TANC1: variants seen among roughly 807,000 people sequenced by gnomAD.
TANC1 encodes protein TANC1.
Under a neutral mutation model 149.7 loss-of-function variants are expected in TANC1, and 77 were observed. The ratio of observed to expected loss-of-function variants is 0.51; its 90% CI spans 0.43 to 0.62. TANC1 has a LOEUF of 0.62. Ranked by LOEUF, TANC1 falls within the 20% of genes least tolerant of loss-of-function variation. TANC1 has a pLI of 0.00. For synonymous variants in TANC1, 854 were observed against 925.0 expected (o/e 0.92, Z 1.39); for missense variants, 1,985 against 2,321.8 (o/e 0.85, Z 2.98).
chr2:159,142,692 A>G (rs2150252065), intron 5 of TANC1, among the ~76,000 whole-genome samples: 1 of 152,000 alleles, frequency 6.6e-6, no homozygotes, highest in Non-Finnish European at 1.5e-5. Flanking sequence ...ATGACTGACA[A>G]CCCATGGTTA....
At chr2:159,037,375 A>G (rs1469026457) in intron 2 of TANC1, among the ~76,000 whole-genome samples, 1 of 151,894 alleles carries the variant, frequency 6.6e-6, no homozygotes, top group Non-Finnish European at 1.5e-5. Flanking sequence ...ATTAGATCCC[A>G]TTTGTCAATT....
chr2:159,182,203 G>GAACAAAAC (rs2056558588), intron 14 of TANC1, among the ~76,000 whole-genome samples: 1 of 15,044 alleles, frequency 6.6e-5, no homozygotes, highest in African/African-American at 1.7e-4. Context: ...GAACAAAACT[G>GAACAAAAC]TCTCAAAAAA....
intron 16 of TANC1, among the ~76,000 whole-genome samples, chr2:159,188,543 G>C (rs979645852): frequency 3.9e-5 from 6 of 152,258 alleles, no homozygotes; most frequent in Non-Finnish European, 8.8e-5. Context: ...GAGGATTTAG[G>C]TTGCAGTTCT....
intron 2 of TANC1, among the ~76,000 whole-genome samples, chr2:159,018,986 A>T (rs2038547770): frequency 6.6e-6 from 1 of 152,236 alleles, no homozygotes; most frequent in Admixed American, 6.5e-5. Context: ...CTATATGTGT[A>T]TCAGGCACAG....
rs751730593 is a variant in TANC1, at chr2:159,229,767, CCCTGGCTT to C, written c.4342_4349del (p.Pro1448LysfsTer2). The stretch of plus-strand genomic sequence containing the variant: ...CCGAGAACGAAGAGGACACCCCAAC[CCCTGGCTT>C]AAGTGACCACTTTCACTCTGAGGAG... On this transcript the variant is annotated frameshift_variant, in exon 27 of 27. Transcript: ENST00000263635. LOFTEE classifies it low-confidence loss of function (END_TRUNC). 6.2e-7 allele frequency: 1 copy of C among 1,614,032 alleles called. No individual in the cohort carries two copies. The highest frequency in any genetic ancestry group is 1.1e-5 in the South Asian group (1 of 91,062).
At chr2:158,998,024 C>T (rs995010998) in intron 1 of TANC1, among the ~76,000 whole-genome samples, 5 of 152,310 alleles carry the variant, frequency 3.3e-5, no homozygotes, top group Admixed American at 3.3e-4. Flanking sequence ...AGAAAAGTTT[C>T]ACTTTGGGAG....
At chr2:159,183,974 G>C (rs1450766593) in intron 14 of TANC1, among the ~76,000 whole-genome samples, 1 of 152,138 alleles carries the variant, frequency 6.6e-6, no homozygotes, top group Non-Finnish European at 1.5e-5. Context: ...CGTCAGACGT[G>C]GTGCCAGTGA....
intron 19 of TANC1, among the ~76,000 whole-genome samples, chr2:159,204,113 A>G (rs189748116): frequency 2.6e-4 from 39 of 152,232 alleles, no homozygotes; most frequent in Non-Finnish European, 4.7e-4. Context: ...ATTACATGTG[A>G]CAGGTGGCCA....
At chr2:159,048,767 T>A (rs2041256498) in intron 2 of TANC1, among the ~76,000 whole-genome samples, 1 of 152,224 alleles carries the variant, frequency 6.6e-6, no homozygotes, top group South Asian at 2.1e-4. Flanking sequence ...AGAACCTTTT[T>A]GGGTATAGGC....
At chr2:158,975,769 C>T (rs1468094563) in intron 1 of TANC1, among the ~76,000 whole-genome samples, 1 of 151,696 alleles carries the variant, frequency 6.6e-6, no homozygotes, top group Non-Finnish European at 1.5e-5. Context: ...TTAGCCAGCC[C>T]TAGAACCACT....
At chr2:158,978,291 G>C (rs2149202683) in intron 1 of TANC1, among the ~76,000 whole-genome samples, 1 of 152,258 alleles carries the variant, frequency 6.6e-6, no homozygotes, top group Non-Finnish European at 1.5e-5. Flanking sequence ...AGGAAGGCAG[G>C]GAGCTCCATG....
chr2:159,198,494 C>T (rs1469218686), intron 18 of TANC1, among the ~76,000 whole-genome samples: 2 of 152,182 alleles, frequency 1.3e-5, no homozygotes, highest in Non-Finnish European at 2.9e-5. Context: ...GTGACTTGAC[C>T]CGCCCTTTGA....
intron 3 of TANC1, among the ~76,000 whole-genome samples, chr2:159,094,904 C>T (rs1185240564): frequency 6.6e-6 from 1 of 151,904 alleles, no homozygotes; most frequent in Non-Finnish European, 1.5e-5. Flanking sequence ...CATGAATGTC[C>T]TTATTTTTGT....
chr2:159,076,940 T>C (rs1364381146), intron 3 of TANC1, among the ~76,000 whole-genome samples: 2 of 152,154 alleles, frequency 1.3e-5, no homozygotes, highest in Admixed American at 6.5e-5. Context: ...AGATAGAAGA[T>C]AGAAAATTTT....
At chr2:159,008,787 T>G (rs543579186) in intron 2 of TANC1, among the ~76,000 whole-genome samples, 1 of 152,330 alleles carries the variant, frequency 6.6e-6, no homozygotes, top group African/African-American at 2.4e-5. Context: ...ATTCTTTAAT[T>G]GAATACATCT....
chr2:159,098,168 A>G (rs2046327148), intron 4 of TANC1, among the ~76,000 whole-genome samples: 2 of 152,298 alleles, frequency 1.3e-5, no homozygotes, highest in South Asian at 4.1e-4. Context: ...CTTTTGATCA[A>G]TGACAAACTG....
At chr2:159,040,566 GT>G (rs750695591) in intron 2 of TANC1, among the ~76,000 whole-genome samples, 8 of 152,084 alleles carry the variant, frequency 5.3e-5, no homozygotes, top group Non-Finnish European at 7.4e-5. Flanking sequence ...ACTGAAGCTT[GT>G]GCATGCATCA....
At chr2:159,046,315 G>A (rs138198840) in intron 2 of TANC1, among the ~76,000 whole-genome samples, 1 of 152,108 alleles carries the variant, frequency 6.6e-6, no homozygotes, top group African/African-American at 2.4e-5. Flanking sequence ...TTATTAATTT[G>A]GTGGGTTTGA....
intron 15 of TANC1, 114 bp from the exon 16 acceptor site, chr2:159,186,788 G>C: frequency 7.4e-7 from 1 of 1,356,280 alleles, no homozygotes; most frequent in Non-Finnish European, 1.0e-6. Context: ...CCTTCTGCAG[G>C]TATCTGCACC....
Sources: allele counts gnomAD v4.1 joint callset (sites outside exome capture counted in the v4.1 genomes callset), GRCh38; gene constraint gnomAD v4.1.1; transcripts MANE v1.5; gene names NCBI Gene and HGNC (gene_info 2026-07-23, HGNC 2026-07-21).